PRTFDC1: variants seen among roughly 807,000 people sequenced by gnomAD.
PRTFDC1 encodes the protein phosphoribosyltransferase domain-containing protein 1.
In PRTFDC1, 38 loss-of-function variants were observed where a neutral mutation model predicts 34.6. The observed-to-expected ratio is 1.10, with a 90% CI of 0.85 to 1.44. The LOEUF (loss-of-function observed/expected upper bound fraction) is 1.44. Ranked by LOEUF, PRTFDC1 falls within the 40% of genes most tolerant of loss-of-function variation. The pLI is 0.00. For synonymous variants in PRTFDC1, 93 were observed against 98.1 expected, an observed-to-expected ratio of 0.95 and a Z score of 0.31; for missense variants, 270 against 283.0, an observed-to-expected ratio of 0.95 and a Z score of 0.33.
At chr10:24,885,405 T>C (rs1425645312) in intron 3 of PRTFDC1, among the ~76,000 whole-genome samples, 4 of 152,218 alleles carry the variant, frequency 2.6e-5, no homozygotes, top group Non-Finnish European at 4.4e-5. Flanking sequence ...TAGATGTTTC[T>C]AGCAGCTTGA....
intron 4 of PRTFDC1, among the ~76,000 whole-genome samples, chr10:24,867,262 AT>A (rs1472435980): frequency 1.3e-5 from 2 of 152,136 alleles, no homozygotes. Flanking sequence ...TCCCTCCTTC[AT>A]TTAACTCTGT....
At chr10:24,874,015 C>T (rs1847921408) in intron 3 of PRTFDC1, among the ~76,000 whole-genome samples, 1 of 151,408 alleles carries the variant, frequency 6.6e-6, no homozygotes, top group Non-Finnish European at 1.5e-5. Flanking sequence ...TCAAGCGATC[C>T]TCCTGCCTCA....
intron 3 of PRTFDC1, chr10:24,908,371 C>A: frequency 8.2e-7 from 1 of 1,215,858 alleles, no homozygotes; most frequent in Non-Finnish European, 1.1e-6. Context: ...TAACCTCAAG[C>A]AAGAAGAAAT....
intron 3 of PRTFDC1, among the ~76,000 whole-genome samples, chr10:24,874,938 T>C (rs778795144): frequency 2.0e-5 from 3 of 152,144 alleles, no homozygotes; most frequent in Non-Finnish European, 4.4e-5. Context: ...TATGATGGTT[T>C]TATTAAGGGT....
chr10:24,935,306 A>G (rs1274678318), intron 3 of PRTFDC1, among the ~76,000 whole-genome samples: 1 of 152,196 alleles, frequency 6.6e-6, no homozygotes, highest in East Asian at 1.9e-4. Flanking sequence ...AATGAGAGAA[A>G]TCTGGTATGA....
chr10:24,881,716 A>C lies in PRTFDC1; in HGVS notation c.340-9653T>G, dbSNP rs554147498. Among the ~76,000 whole-genome samples, 69 of 152,320 alleles carry C rather than the reference A, an allele frequency of 4.5e-4. No homozygotes were observed. In the South Asian group the frequency reaches 0.013, roughly 30 times the overall value. ...TTACAGGAAAAGTCAATATTCCACAAATTTTGATAAACATTGTTAATTACC... is the reference window on the plus strand; with the variant it reads ...TTACAGGAAAAGTCAATATTCCACACATTTTGATAAACATTGTTAATTACC... On this transcript the variant is annotated intron_variant, in intron 3 of 8. Transcript: ENST00000320152.
chr10:24,866,371 A>G (rs1475630223), intron 4 of PRTFDC1, among the ~76,000 whole-genome samples: 2 of 150,238 alleles, frequency 1.3e-5, no homozygotes, highest in African/African-American at 4.8e-5. Context: ...AAAAAAAAAA[A>G]AAAAAAAAAG....
intron 3 of PRTFDC1, among the ~76,000 whole-genome samples, chr10:24,902,016 G>A (rs895114177): frequency 3.3e-5 from 5 of 152,162 alleles, no homozygotes; most frequent in Non-Finnish European, 5.9e-5. Context: ...AGGAGGTGGT[G>A]GAGAACAGAG....
chr10:24,928,006 C>T (rs1848907518), intron 3 of PRTFDC1, among the ~76,000 whole-genome samples: 1 of 152,128 alleles, frequency 6.6e-6, no homozygotes, highest in Non-Finnish European at 1.5e-5. Context: ...TCACTAACTC[C>T]AAGTTACACA....
In PRTFDC1 at chr10:24,948,162, C is replaced by G. The variant is rs569985393; in HGVS notation, c.48+4366G>C. Among the ~76,000 whole-genome samples the G allele has an allele frequency of 1.8e-4, 27 of 152,246 alleles. No individual in the cohort carries two copies. In the South Asian group the frequency reaches 5.6e-3, roughly 32 times the overall value. On this transcript the variant is annotated intron_variant, in intron 1 of 8. Coordinates refer to ENST00000320152, the MANE Select transcript of PRTFDC1 (RefSeq NM_020200.7). ...TATTTTCATGGGGGGTGACAGGAAG[C>G]CAGCCATAACAGAAACACAACAATC...
chr10:24,861,917 G>A (rs1336795904), intron 4 of PRTFDC1, among the ~76,000 whole-genome samples: 2 of 151,916 alleles, frequency 1.3e-5, no homozygotes, highest in African/African-American at 2.4e-5. Context: ...AGGATTACAG[G>A]CATGAGCCAC....
chr10:24,905,685 C>A (rs1307362453), intron 3 of PRTFDC1, among the ~76,000 whole-genome samples: 2 of 152,056 alleles, frequency 1.3e-5, no homozygotes, highest in African/African-American at 4.8e-5. Context: ...TCTTCTCTTC[C>A]TTATCTCAGT....
intron 3 of PRTFDC1, among the ~76,000 whole-genome samples, chr10:24,917,618 C>T (rs1205382671): frequency 6.6e-6 from 1 of 152,090 alleles, no homozygotes; most frequent in African/African-American, 2.4e-5. Context: ...TCATGCTAGA[C>T]ACTGTGCTCC....
At chr10:24,949,235 A>G (rs1297575419) in intron 1 of PRTFDC1, among the ~76,000 whole-genome samples, 1 of 151,934 alleles carries the variant, frequency 6.6e-6, no homozygotes, top group Admixed American at 6.6e-5. Flanking sequence ...GACTACAGGC[A>G]TGCACCACCA....
At chr10:24,862,797 A>C (rs1847704726) in intron 4 of PRTFDC1, among the ~76,000 whole-genome samples, 1 of 152,018 alleles carries the variant, frequency 6.6e-6, no homozygotes, top group South Asian at 2.1e-4. Flanking sequence ...TATTCTGGAA[A>C]TTCTTGCAAT....
intron 4 of PRTFDC1, among the ~76,000 whole-genome samples, chr10:24,862,119 A>C (rs1847689328): frequency 1.3e-5 from 2 of 152,326 alleles, no homozygotes; most frequent in East Asian, 3.9e-4. Context: ...AAAGTATATA[A>C]AATTTTTATG....
chr10:24,854,977 C>T (rs1408054659), intron 7 of PRTFDC1, among the ~76,000 whole-genome samples: 1 of 152,166 alleles, frequency 6.6e-6, no homozygotes, highest in Non-Finnish European at 1.5e-5. Flanking sequence ...CTGAGTCAGT[C>T]CAGCGGGATC....
intron 3 of PRTFDC1, among the ~76,000 whole-genome samples, chr10:24,874,066 C>G (rs1227556518): frequency 1.3e-5 from 2 of 151,640 alleles, no homozygotes; most frequent in Admixed American, 1.3e-4. Flanking sequence ...CACCACTATG[C>G]CTGGCCAAAT....
intron 3 of PRTFDC1, among the ~76,000 whole-genome samples, chr10:24,895,355 C>T (rs10828719): frequency 6.8e-6 from 1 of 147,916 alleles, no homozygotes; most frequent in South Asian, 2.2e-4. Context: ...GGGTTCAAGA[C>T]ATTCTCCTGC....
Sources: gnomAD v4.1 joint callset for allele counts (sites outside exome capture counted in the v4.1 genomes callset) on GRCh38, gnomAD v4.1.1 for gene constraint, MANE v1.5 for transcripts, NCBI Gene and HGNC (gene_info 2026-07-23, HGNC 2026-07-21) for gene names.